Variants in NBAS observed in about 807,000 individuals in gnomAD.
NBAS encodes the protein NBAS subunit of NRZ tethering complex.
Under a neutral mutation model 302.5 loss-of-function variants are expected in NBAS, and 219 were observed. The ratio of observed to expected loss-of-function variants is 0.72; its 90% confidence interval spans 0.65 to 0.81. NBAS has a LOEUF of 0.81. Among genes scored for constraint, NBAS ranks in the 30% least tolerant of loss-of-function variants. The probability of loss-of-function intolerance (pLI) is 0.00; values close to 1 mark genes in which losing one functional copy is unlikely to be tolerated. For synonymous variants in NBAS, 1,118 were observed against 1,021.6 expected (o/e 1.09, Z -1.80); for missense variants, 2,932 against 2,841.6 (o/e 1.03, Z -0.72).
At position 15,356,387 on chromosome 2, in the gene NBAS, C is replaced by A. The variant is rs768278181; in HGVS notation, c.3847G>T (p.Val1283Phe). Residue 1283 changes from valine (V) to phenylalanine (F), a missense_variant, in exon 33 of 52, where the codon GTT becomes TTT. Val to Phe is a conservative substitution (Grantham distance 50). Transcript: ENST00000281513. ...GENPEERRGQ[V>F]LILLVEQALR... ...GCCTGCTCCACTAAAAGGATTAGAA[C>A]CTGTCCCCGCCTTTCTTCTGGGTTC... 69 of 1,613,724 alleles carry A rather than the reference C, an allele frequency of 4.3e-5. No individual in the cohort carries two copies. Among genetic ancestry groups the A allele is most frequent in the Non-Finnish European group, 5.5e-5 (65 of 1,179,800 alleles).
At chr2:15,107,768 C>T in the NBAS span, among the ~76,000 whole-genome samples, 2 of 152,132 alleles carry the variant, frequency 1.3e-5, no homozygotes, top group Non-Finnish European at 2.9e-5. Flanking sequence ...TCTCATATAA[C>T]TATCACCGCA....
chr2:15,500,990 T>C (rs967713019), intron 11 of NBAS, among the ~76,000 whole-genome samples: 1 of 150,330 alleles, frequency 6.7e-6, no homozygotes, highest in Non-Finnish European at 1.5e-5. Context: ...ATAATTCTTA[T>C]TTTAACATAC....
At chr2:14,812,796 G>C in the NBAS span, among the ~76,000 whole-genome samples, 5 of 152,150 alleles carry the variant, frequency 3.3e-5, no homozygotes, top group Non-Finnish European at 5.9e-5. Flanking sequence ...TACTGATATG[G>C]TTTGGCTCTG....
chr2:14,782,907 G>A, the NBAS span, among the ~76,000 whole-genome samples: 2 of 152,116 alleles, frequency 1.3e-5, no homozygotes, highest in Non-Finnish European at 2.9e-5. Flanking sequence ...GCTAAATAAG[G>A]AGAATACATG....
the NBAS span, among the ~76,000 whole-genome samples, chr2:14,909,074 C>G: frequency 1.3e-5 from 2 of 151,932 alleles, no homozygotes; most frequent in Non-Finnish European, 1.5e-5. Flanking sequence ...GGCTTACGCT[C>G]GTAATCCCAG....
rs66914120 is a variant in NBAS, at chr2:15,459,503, C to CTTTTT, written c.2339+1693_2339+1697dup. Among the ~76,000 whole-genome samples, 12 of 141,424 alleles carry CTTTTT rather than the reference C, an allele frequency of 8.5e-5. 3 individuals carry two copies. Among genetic ancestry groups the CTTTTT allele is most frequent in the Non-Finnish European group, 1.5e-4 (10 of 65,232 alleles). 92.8% of individuals were successfully genotyped at this position (141,424 alleles called of 152,430 possible). A position where few individuals can be genotyped will look rare whatever the true frequency, so the allele number is the denominator to read the frequency against. Reference sequence around the variant, plus strand: ...GAAAAAAGCATCCTGAGCATTTTTTCTTTTTTTTTGAGATGGAGTCTCGTT... The same window carrying CTTTTT: ...GAAAAAAGCATCCTGAGCATTTTTTCTTTTTTTTTTTTTTGAGATGGAGTCTCGTT... On this transcript the variant is annotated intron_variant, in intron 21 of 51. Coordinates refer to ENST00000281513, the MANE Select transcript of NBAS (RefSeq NM_015909.4).
chr2:14,912,465 A>G, the NBAS span, among the ~76,000 whole-genome samples: 9 of 152,154 alleles, frequency 5.9e-5, no homozygotes, highest in Admixed American at 3.9e-4. Context: ...TCCAACATAC[A>G]CAATACAGAA....
At chr2:15,227,311 C>A (rs1194962062) in intron 47 of NBAS, among the ~76,000 whole-genome samples, 1 of 151,856 alleles carries the variant, frequency 6.6e-6, no homozygotes, top group African/African-American at 2.4e-5. Flanking sequence ...GGTAAAAGAC[C>A]TCTACAATGA....
chr2:15,307,215 T>C (rs959832391), intron 40 of NBAS, among the ~76,000 whole-genome samples: 3 of 152,190 alleles, frequency 2.0e-5, no homozygotes, highest in Admixed American at 6.5e-5. Context: ...CCCAACAATG[T>C]ATCTTTAATT....
At chr2:14,817,703 T>G in the NBAS span, among the ~76,000 whole-genome samples, 13 of 152,310 alleles carry the variant, frequency 8.5e-5, no homozygotes, top group African/African-American at 2.9e-4. Flanking sequence ...GTTAAATTTA[T>G]TCTCCTCTAC....
At chr2:15,493,048 C>G (rs926456608) in intron 11 of NBAS, among the ~76,000 whole-genome samples, 1 of 152,070 alleles carries the variant, frequency 6.6e-6, no homozygotes, top group Non-Finnish European at 1.5e-5. Context: ...ACAGATTTTC[C>G]CCATGCTGTT....
At chr2:14,850,999 C>T in the NBAS span, among the ~76,000 whole-genome samples, 43 of 127,454 alleles carry the variant, frequency 3.4e-4, no homozygotes, top group African/African-American at 1.3e-3. Flanking sequence ...AATTGACACC[C>T]TAACATCACA....
chr2:15,115,223 G>A, the NBAS span, among the ~76,000 whole-genome samples: 1 of 152,144 alleles, frequency 6.6e-6, no homozygotes, highest in Non-Finnish European at 1.5e-5. Flanking sequence ...TCAGAGAGAC[G>A]CTGCATCTAA....
the NBAS span, among the ~76,000 whole-genome samples, chr2:15,010,451 C>A: frequency 1.3e-5 from 2 of 152,072 alleles, no homozygotes; most frequent in African/African-American, 4.8e-5. Context: ...CCTCCCACCC[C>A]CCACCTTATA....
At chr2:14,991,114 G>T in the NBAS span, among the ~76,000 whole-genome samples, 1 of 152,062 alleles carries the variant, frequency 6.6e-6, no homozygotes, top group African/African-American at 2.4e-5. Flanking sequence ...TGCAGGGAGG[G>T]CCAACCCTGG....
At chr2:14,954,256 G>A in the NBAS span, among the ~76,000 whole-genome samples, 1 of 152,200 alleles carries the variant, frequency 6.6e-6, no homozygotes, top group African/African-American at 2.4e-5. Context: ...ATTAATTGAG[G>A]TCTGCTATGT....
the NBAS span, among the ~76,000 whole-genome samples, chr2:15,139,999 C>T: frequency 0.096 from 14,523 of 152,056 alleles, 1,321 homozygotes; most frequent in East Asian, 0.44. Flanking sequence ...AGGTTGGTGA[C>T]GTGGTGGATG....
intron 30 of NBAS, among the ~76,000 whole-genome samples, chr2:15,376,328 G>C (rs1011513145): frequency 6.6e-6 from 1 of 152,154 alleles, no homozygotes; most frequent in African/African-American, 2.4e-5. Flanking sequence ...CCTTGCAAGA[G>C]AGAAAGAGAT....
At chr2:15,427,924 G>A in intron 21 of NBAS, 130 bp from the exon 22 acceptor site, 1 of 721,432 alleles carries the variant, frequency 1.4e-6, no homozygotes, top group African/African-American at 1.8e-5. Context: ...TATTTTAAGT[G>A]GTACAGGATA....
Sources: allele counts gnomAD v4.1 joint callset (sites outside exome capture counted in the v4.1 genomes callset), GRCh38; gene constraint gnomAD v4.1.1; transcripts MANE v1.5; gene names NCBI Gene and HGNC (gene_info 2026-07-23, HGNC 2026-07-21).